The following RABGEF1 variants were observed in gnomAD, a reference collection of about 807,000 sequenced individuals.
RABGEF1 encodes rab5 GDP/GTP exchange factor.
In RABGEF1, 26 loss-of-function variants were observed where a neutral mutation model predicts 57.3. The ratio of observed to expected loss-of-function variants is 0.45; its 90% CI spans 0.33 to 0.63. The LOEUF (loss-of-function observed/expected upper bound fraction) is 0.63, where lower values mean the gene tolerates loss of function less well. Ranked by LOEUF, RABGEF1 falls within the 20% of genes least tolerant of loss-of-function variation. RABGEF1 has a pLI of 0.02. For missense variants in RABGEF1, 464 were observed against 607.6 expected (o/e 0.76, Z 2.48); for synonymous variants, 185 against 210.7 (o/e 0.88, Z 1.06).
the RABGEF1 span, among the ~76,000 whole-genome samples, chr7:66,660,767 G>T: frequency 6.6e-6 from 1 of 152,200 alleles, no homozygotes. Context: ...GAAAATTAAT[G>T]CCAATCCTTT....
At chr7:66,772,571 T>G (rs1422325706) in intron 2 of RABGEF1, among the ~76,000 whole-genome samples, 1 of 152,120 alleles carries the variant, frequency 6.6e-6, no homozygotes, top group East Asian at 1.9e-4. Flanking sequence ...TATTTAAAAA[T>G]TAGGTTAGCA....
chr7:66,713,241 A>G (rs1293493586), intron 2 of RABGEF1, among the ~76,000 whole-genome samples: 2 of 149,752 alleles, frequency 1.3e-5, no homozygotes, highest in Non-Finnish European at 3.0e-5. Context: ...TCCCGGGTTC[A>G]TGCCATTCTT....
chr7:66,656,074 G>A, the RABGEF1 span, among the ~76,000 whole-genome samples: 5 of 152,290 alleles, frequency 3.3e-5, no homozygotes, highest in South Asian at 8.3e-4. Flanking sequence ...GGTGGAATGA[G>A]GGGAATCAAA....
intron 1 of RABGEF1, among the ~76,000 whole-genome samples, chr7:66,764,117 A>G (rs187826976): frequency 1.1e-3 from 163 of 152,296 alleles, no homozygotes; most frequent in African/African-American, 3.6e-3. Context: ...CAGTTTCCCC[A>G]CATTCTTGGC....
At chr7:66,719,215 T>C (rs1207322637) in intron 2 of RABGEF1, among the ~76,000 whole-genome samples, 1 of 152,218 alleles carries the variant, frequency 6.6e-6, no homozygotes, top group African/African-American at 2.4e-5. Flanking sequence ...AAACTGGGGC[T>C]GTCTCCATTC....
At chr7:66,738,546 A>G (rs1003244850), upstream of RABGEF1, among the ~76,000 whole-genome samples, 7 of 151,970 alleles carry the variant, frequency 4.6e-5, no homozygotes, top group African/African-American at 1.7e-4. Flanking sequence ...CCAGGGCGAC[A>G]TGGCAAAACC....
At chr7:66,752,291 T>G (rs1801622728) in intron 1 of RABGEF1, among the ~76,000 whole-genome samples, 1 of 152,014 alleles carries the variant, frequency 6.6e-6, no homozygotes, top group South Asian at 2.1e-4. Context: ...GGTCAGGAGT[T>G]CGAGCCCAGC....
intron 1 of RABGEF1, among the ~76,000 whole-genome samples, chr7:66,700,051 C>G (rs1413547196): frequency 6.6e-6 from 1 of 152,176 alleles, no homozygotes. Context: ...CCAGGGACCC[C>G]CAAGTTCCTG....
At chr7:66,769,344 G>C (rs1054960615) in intron 1 of RABGEF1, among the ~76,000 whole-genome samples, 3 of 152,202 alleles carry the variant, frequency 2.0e-5, no homozygotes, top group African/African-American at 4.8e-5. Context: ...TTTCTTCCTT[G>C]TTTTCATTTA....
rs550141265 is a variant in RABGEF1 at position 66,810,014 on chromosome 7, C to G, written c.*730C>G. On this transcript the variant is annotated 3_prime_UTR_variant, in exon 9 of 9. Transcript: ENST00000284957. ...ACATAAAATTGCTGTTTAATGTAGT[C>G]GATGGAAGACTTTAAACTATGCTTC... 2.6e-5 allele frequency: 4 copies of G among 152,258 alleles called. No individual in the cohort carries two copies. Among genetic ancestry groups the G allele is most frequent in the African/African-American group, 9.7e-5 (4 of 41,444 alleles). 9.4% of individuals were successfully genotyped at this position (152,258 alleles called of 1,614,324 possible).
Position 66,757,416 on chromosome 7 carries a change from C to T in RABGEF1, c.-17-14467C>T, listed in dbSNP as rs369936720. On this transcript the variant is annotated intron_variant, in intron 1 of 8. Coordinates refer to ENST00000284957, the MANE Select transcript of RABGEF1 (RefSeq NM_014504.3). ...TTAATAGTGTTTTATTTTCTTTAGG[C>T]CTTTCAGATACATAGTCATATCTCT... Among the ~76,000 whole-genome samples the T allele has an allele frequency of 1.2e-4, 18 of 152,236 alleles. 1 individual carries two copies. Among genetic ancestry groups the T allele is most frequent in the Admixed American group, 9.8e-4 (15 of 15,282 alleles).
chr7:66,715,585 T>G (rs545236034), intron 2 of RABGEF1, among the ~76,000 whole-genome samples: 6 of 152,362 alleles, frequency 3.9e-5, no homozygotes, highest in Non-Finnish European at 5.9e-5. Flanking sequence ...TATGTAGAAG[T>G]ATGTAGTTAA....
Position 66,711,688 on chromosome 7 carries a change from G to A in RABGEF1, c.-872-479G>A, listed in dbSNP as rs775071599. On this transcript the variant is annotated intron_variant and NMD_transcript_variant, in intron 1 of 9. Coordinates refer to the RABGEF1 transcript ENST00000607882. ...TGCAAGCTCCGCCTCCTGGGTTCAAGCCATTGTCCTGCCTCAGCCTCCCGA... is the reference window on the plus strand; with the variant it reads ...TGCAAGCTCCGCCTCCTGGGTTCAAACCATTGTCCTGCCTCAGCCTCCCGA... Among the ~76,000 whole-genome samples the A allele has an allele frequency of 1.6e-4, 24 of 151,974 alleles. 1 individual carries two copies. The highest frequency in any genetic ancestry group is 2.8e-4 in the Non-Finnish European group (19 of 68,006).
intron 3 of RABGEF1, among the ~76,000 whole-genome samples, chr7:66,779,222 C>T (rs1303407950): frequency 2.0e-5 from 3 of 151,696 alleles, no homozygotes; most frequent in Non-Finnish European, 2.9e-5. Context: ...TAGAGAAATA[C>T]GGCTGGCACA....
At chr7:66,788,823 C>T (rs1305824111) in intron 4 of RABGEF1, among the ~76,000 whole-genome samples, 11 of 151,938 alleles carry the variant, frequency 7.2e-5, no homozygotes, top group Non-Finnish European at 1.0e-4. Flanking sequence ...GGCGTGGTGG[C>T]GGGTGCCTGT....
intron 1 of RABGEF1, among the ~76,000 whole-genome samples, chr7:66,744,368 A>C (rs548791938): frequency 6.7e-6 from 1 of 150,106 alleles, no homozygotes; most frequent in East Asian, 2.0e-4. Context: ...CTGCATCTCT[A>C]CAAAAAAAAA....
chr7:66,740,897 C>G (rs1364353014), intron 1 of RABGEF1, 105 bp downstream of exon 1: 1 of 152,252 alleles, frequency 6.6e-6, no homozygotes, highest in Non-Finnish European at 1.5e-5. Flanking sequence ...CGGTCCGTGC[C>G]ATCCGCGCGG....
intron 2 of RABGEF1, among the ~76,000 whole-genome samples, chr7:66,716,188 T>A (rs1795373365): frequency 6.6e-6 from 1 of 152,236 alleles, no homozygotes; most frequent in African/African-American, 2.4e-5. Context: ...TATTGTAAAT[T>A]TCCTTGCTTT....
chr7:66,659,349 G>C, the RABGEF1 span, among the ~76,000 whole-genome samples: 22 of 152,022 alleles, frequency 1.4e-4, no homozygotes, highest in Non-Finnish European at 2.4e-4. Flanking sequence ...CTGCTTGGGA[G>C]GCTGTGGCAG....
Sources: allele counts gnomAD v4.1 joint callset (sites outside exome capture counted in the v4.1 genomes callset), GRCh38; gene constraint gnomAD v4.1.1; transcripts MANE v1.5; gene names NCBI Gene and HGNC (gene_info 2026-07-23, HGNC 2026-07-21).